Variants in HOXA10 observed in about 807,000 individuals in gnomAD.
HOXA10 encodes the protein homeobox A10, also known as homeobox protein Hox-A10.
A neutral mutation model predicts 29.7 loss-of-function variants in HOXA10; 12 were observed. That is an observed-to-expected ratio of 0.40 (90% CI 0.26 to 0.65). The LOEUF is 0.65. Among genes scored for constraint, HOXA10 ranks in the 30% least tolerant of loss-of-function variants. The pLI, the probability that HOXA10 is intolerant of heterozygous loss-of-function variation, is 0.37. For synonymous variants in HOXA10, 327 were observed against 280.7 expected (o/e 1.16, Z -1.65); for missense variants, 656 against 585.9 (o/e 1.12, Z -1.24).
In HOXA10 at chr7:27,172,162, C is replaced by G. The variant is rs141358407; in HGVS notation, c.970G>C (p.Gly324Arg). ...PEKDSLGNSK[G>R]ENAANWLTAK... ...GTGAGCCAGTTGGCTGCGTTTTCAC[C>G]TTTGGAATTGCCTGGCATGTAAGAG... is the stretch of plus-strand genomic sequence containing the variant. The change falls in exon 2 of 2, where the codon GGT becomes CGT. Residue 324 changes from glycine to arginine, a missense_variant. This residue lies in a region of HOXA10 where 594 missense variants were observed against 491.9 expected (regional missense o/e 1.21). Transcript: ENST00000283921. 2,301 of 1,613,926 alleles carry G rather than the reference C, an allele frequency of 1.4e-3. 5 individuals carry two copies. Among genetic ancestry groups the G allele is most frequent in the Non-Finnish European group, 1.8e-3 (2,129 of 1,179,998 alleles).
At chr7:27,179,388 C>T (rs1783711737) in intron 1 of HOXA10, among the ~76,000 whole-genome samples, 1 of 152,106 alleles carries the variant, frequency 6.6e-6, no homozygotes, top group African/African-American at 2.4e-5. Flanking sequence ...CCTCTCATCC[C>T]TAGCCCATTC....
Position 27,171,285 on chromosome 7 carries a change from T to C in HOXA10, c.*614A>G. 1 of 454,194 alleles carries C rather than the reference T, an allele frequency of 2.2e-6. No individual in the cohort carries two copies. The allele number at this position is 454,194 out of a possible 1,614,324, so 28.1% of individuals were successfully genotyped here. A position where few individuals can be genotyped will look rare whatever the true frequency, so the allele number is the denominator to read the frequency against. ...GAAGGAAAAATTAACCTTTTTTACT[T>C]TCTTTCTCACTTTTTAAATCAGCCA... On this transcript the variant is annotated 3_prime_UTR_variant, in exon 2 of 2. Coordinates refer to ENST00000283921, the MANE Select transcript of HOXA10 (RefSeq NM_018951.4).
exon 1 of HOXA10, chr7:27,179,664 T>G (rs770143923): frequency 3.9e-6 from 3 of 779,176 alleles, no homozygotes; most frequent in Non-Finnish European, 4.8e-6. Flanking sequence ...ATTTCCGAAA[T>G]CACTGCCAAG....
upstream of HOXA10, chr7:27,174,906 A>T (rs1783626276): frequency 6.5e-6 from 1 of 153,206 alleles, no homozygotes; most frequent in African/African-American, 2.4e-5. Context: ...CTAGAAGCTG[A>T]CTTGCCTCTA....
chr7:27,176,091 G>C (rs1311777467), upstream of HOXA10, among the ~76,000 whole-genome samples: 3 of 152,226 alleles, frequency 2.0e-5, no homozygotes, highest in East Asian at 3.8e-4. Context: ...ACGGTGACCC[G>C]GCCGTAAGGA....
At chr7:27,172,461 A>T (rs975968434) in intron 1 of HOXA10, 1 of 510,904 alleles carries the variant, frequency 2.0e-6, no homozygotes, top group African/African-American at 1.9e-5. Flanking sequence ...AAGGCCTGGG[A>T]GGGCAGGCTG....
chr7:27,174,215 A>G lies in HOXA10; in HGVS notation c.92T>C (p.Val31Ala), dbSNP rs902456062. The G allele has an allele frequency of 1.2e-6, 2 of 1,601,240 alleles. No individual in the cohort carries two copies. Among genetic ancestry groups the G allele is most frequent in the South Asian group, 1.1e-5 (1 of 91,078 alleles). ...SESPAANSFL[V>A]DSLISSGRGE... The stretch of plus-strand genomic sequence containing the variant: ...TCTGCCCGAGCTGATGAGCGAGTCG[A>G]CCAAAAAAGAGTTCGCGGCGGGGCT... The change falls in exon 1 of 2, where the codon GTC becomes GCC. Residue 31 changes from valine (V) to alanine (A), a missense_variant. Val to Ala is a moderately conservative substitution (Grantham distance 64, BLOSUM62 0). Around this residue, in one of 2 missense-constraint regions of HOXA10, gnomAD observed 594 missense variants for 491.9 expected, o/e 1.21. Coordinates refer to ENST00000283921, the MANE Select transcript of HOXA10 (RefSeq NM_018951.4).
Position 27,170,777 on chromosome 7 carries a change from A to C in HOXA10, c.*1122T>G. On this transcript the variant is annotated 3_prime_UTR_variant, in exon 2 of 2. Coordinates refer to ENST00000283921, the MANE Select transcript of HOXA10 (RefSeq NM_018951.4). ...TAAAACAAGATTGGCAATTCTTCAT[A>C]ATAATAGACATTTATACAGATTTGT... is the stretch of plus-strand genomic sequence containing the variant. 2.2e-6 allele frequency: 1 copy of C among 450,696 alleles called. No homozygotes were observed. The highest frequency in any genetic ancestry group is 1.6e-5 in the South Asian group (1 of 62,830). 27.9% of individuals were successfully genotyped at this position (450,696 alleles called of 1,614,324 possible). A position where few individuals can be genotyped will look rare whatever the true frequency, so the allele number is the denominator to read the frequency against.
chr7:27,172,147 T>C lies in HOXA10; in HGVS notation c.985A>G (p.Asn329Asp). Residue 329 changes from asparagine to aspartate, a missense_variant, in exon 2 of 2, where the codon AAC (asparagine) becomes GAC (aspartate). This residue lies in a region of HOXA10 where 594 missense variants were observed against 491.9 expected (regional missense o/e 1.21). Coordinates refer to ENST00000283921, the MANE Select transcript of HOXA10 (RefSeq NM_018951.4). ...CGACCACTCTTTGCCGTGAGCCAGT[T>C]GGCTGCGTTTTCACCTTTGGAATTG... ...LGNSKGENAA[N>D]WLTAKSGRKK... 1 of 1,613,882 alleles carries C rather than the reference T, an allele frequency of 6.2e-7. No individual in the cohort carries two copies. Among genetic ancestry groups the C allele is most frequent in the Non-Finnish European group, 8.5e-7 (1 of 1,179,984 alleles).
upstream of HOXA10, chr7:27,174,623 C>G (rs1783614966): frequency 2.3e-6 from 1 of 431,688 alleles, no homozygotes; most frequent in Admixed American, 4.0e-5. Flanking sequence ...ACCGGGGTCC[C>G]TTAGAAGGGC....
Position 27,174,126 on chromosome 7 carries a change from C to T in HOXA10, c.181G>A (p.Gly61Ser), listed in dbSNP as rs748283182. The change falls in exon 1 of 2, where the codon GGC (glycine) becomes AGC (serine). Residue 61 changes from glycine to serine, a missense_variant. Transcript: ENST00000283921. The part of the protein sequence containing the change: ...GGGGGGYYAH[G>S]GVYLPPAADL... ...GCGGCGGGCGGCAGGTAGACCCCGC[C>T]GTGGGCGTAGTAACCGCCACCGCCG... 13 of 1,590,810 alleles carry T rather than the reference C, an allele frequency of 8.2e-6. No homozygotes were observed. Among genetic ancestry groups the T allele is most frequent in the Middle Eastern group, 4.2e-4 (2 of 4,772 alleles).
At position 27,171,249 on chromosome 7, in the gene HOXA10, A is replaced by G. The variant is rs1351245886; in HGVS notation, c.*650T>C. The G allele has an allele frequency of 4.4e-6, 2 of 453,984 alleles. No individual in the cohort carries two copies. Among genetic ancestry groups the G allele is most frequent in the Non-Finnish European group, 8.8e-6 (2 of 226,784 alleles). 28.1% of individuals were successfully genotyped at this position (453,984 alleles called of 1,614,324 possible). ...TTTTTTTTCTTTTTAAAGCTGGGATATCTTACAGAGGAAGGAAAAATTAAC... is the reference window on the plus strand; with the variant it reads ...TTTTTTTTCTTTTTAAAGCTGGGATGTCTTACAGAGGAAGGAAAAATTAAC... On this transcript the variant is annotated 3_prime_UTR_variant, in exon 2 of 2. Coordinates refer to ENST00000283921, the MANE Select transcript of HOXA10 (RefSeq NM_018951.4).
Position 27,173,872 on chromosome 7 carries a change from C to T in HOXA10, c.435G>A (p.Pro145=), listed in dbSNP as rs777070634. ...PPPQQQPPPP[P]QPPQPAPQAT... The stretch of plus-strand genomic sequence containing the variant: ...CCTGCGGCGCTGGCTGGGGTGGTTG[C>T]GGCGGGGGCGGCGGCTGCTGCTGGG... Residue 145 remains proline, a synonymous_variant, in exon 1 of 2, where the codon CCG becomes CCA. Transcript: ENST00000283921. 3 of 1,582,000 alleles carry T rather than the reference C, an allele frequency of 1.9e-6. No individual in the cohort carries two copies. The highest frequency in any genetic ancestry group is 2.6e-6 in the Non-Finnish European group (3 of 1,165,766).
At position 27,173,900 on chromosome 7, in the gene HOXA10, G is replaced by T. The variant is rs763223250; in HGVS notation, c.407C>A (p.Pro136Gln). The T allele has an allele frequency of 2.0e-6, 3 of 1,530,422 alleles. No individual in the cohort carries two copies. The highest frequency in any genetic ancestry group is 4.2e-5 in the Admixed American group (2 of 47,092). The allele number at this position is 1,530,422 out of a possible 1,614,324, so 94.8% of individuals were successfully genotyped here. The change falls in exon 1 of 2, where the codon CCG (proline) becomes CAG (glutamine). Residue 136 changes from proline to glutamine, a missense_variant. By Grantham distance (76) the Pro-to-Gln change is moderately conservative. This residue lies in a region of HOXA10 where 594 missense variants were observed against 491.9 expected (regional missense o/e 1.21). Coordinates refer to ENST00000283921, the MANE Select transcript of HOXA10 (RefSeq NM_018951.4). The stretch of plus-strand genomic sequence containing the variant: ...CGGGGGCGGCGGCTGCTGCTGGGGC[G>T]GCGGCGGCGGCCCGTCAGGCGGCTC... Reference protein sequence around the residue: ...RMEPPDGPPPPPQQQPPPPPQ... With the variant: ...RMEPPDGPPPQPQQQPPPPPQ...
chr7:27,179,325 T>G (rs74516843), intron 1 of HOXA10, among the ~76,000 whole-genome samples: 4 of 151,726 alleles, frequency 2.6e-5, no homozygotes, highest in Admixed American at 6.6e-5. Flanking sequence ...TTTTTTTTTT[T>G]GCCCTCCCAC....
At chr7:27,175,881 T>G (rs992115051), upstream of HOXA10, among the ~76,000 whole-genome samples, 3 of 152,190 alleles carry the variant, frequency 2.0e-5, no homozygotes, top group Non-Finnish European at 4.4e-5. Context: ...TTCCTCCCAG[T>G]GTGAATCCAG....
chr7:27,179,202 T>C (rs1003527586), upstream of HOXA10, among the ~76,000 whole-genome samples: 2 of 152,152 alleles, frequency 1.3e-5, no homozygotes, highest in African/African-American at 2.4e-5. Context: ...AGGAAACCAG[T>C]GACCTCCAGG....
rs777921710 is a variant in HOXA10 at position 27,172,188 on chromosome 7, A to C, written c.959-15T>G. Reference sequence around the variant, plus strand: ...TTTGGAATTGCCTGGCATGTAAGAGAATAAAGAGGGGATGATTAAGTCGAG... The same window carrying C: ...TTTGGAATTGCCTGGCATGTAAGAGCATAAAGAGGGGATGATTAAGTCGAG... On this transcript the variant is annotated splice_polypyrimidine_tract_variant and intron_variant, in intron 1 of 1. Coordinates refer to ENST00000283921, the MANE Select transcript of HOXA10 (RefSeq NM_018951.4). The C allele has an allele frequency of 3.1e-6, 5 of 1,613,114 alleles. No individual in the cohort carries two copies. Among genetic ancestry groups the C allele is most frequent in the Non-Finnish European group, 4.2e-6 (5 of 1,179,982 alleles).
In HOXA10 at chr7:27,171,515, C is replaced by T. The variant is rs1042799233; in HGVS notation, c.*384G>A. The T allele has an allele frequency of 6.4e-6, 3 of 467,048 alleles. No homozygotes were observed. Among genetic ancestry groups the T allele is most frequent in the Non-Finnish European group, 1.3e-5 (3 of 235,548 alleles). The allele number at this position is 467,048 out of a possible 1,614,324, so 28.9% of individuals were successfully genotyped here. A position where few individuals can be genotyped will look rare whatever the true frequency, so the allele number is the denominator to read the frequency against. ...CACCTCAGCGCCAACAATGGGACCT[C>T]GGCCTTCCGGCTAGGTTTGCCCCAG... On this transcript the variant is annotated 3_prime_UTR_variant, in exon 2 of 2. Transcript: ENST00000283921.
Sources: allele counts gnomAD v4.1 joint callset (sites outside exome capture counted in the v4.1 genomes callset), GRCh38; gene constraint gnomAD v4.1.1; regional missense constraint gnomAD v4.1.1; transcripts MANE v1.5; gene names NCBI Gene and HGNC (gene_info 2026-07-23, HGNC 2026-07-21).